KPNA1: variants seen among roughly 807,000 people sequenced by gnomAD.
KPNA1 encodes the protein importin subunit alpha-5.
Under a neutral mutation model 70.5 loss-of-function variants are expected in KPNA1, and 10 were observed. The observed-to-expected ratio is 0.14, with a 90% confidence interval of 0.09 to 0.24. The LOEUF is 0.24. Among genes scored for constraint, KPNA1 ranks in the 10% least tolerant of loss-of-function variants. The pLI is 1.00. For synonymous variants in KPNA1, 192 were observed against 221.9 expected, an observed-to-expected ratio of 0.87 and a Z score of 1.20; for missense variants, 397 against 637.9, an observed-to-expected ratio of 0.62 and a Z score of 4.07.
At chr3:122,451,377 C>A (rs1471196301) in intron 8 of KPNA1, among the ~76,000 whole-genome samples, 157 bp downstream of exon 8, 1 of 152,106 alleles carries the variant, frequency 6.6e-6, no homozygotes, top group Non-Finnish European at 1.5e-5. Flanking sequence ...ATAAAGAGAA[C>A]CAACAAAAAC....
Position 122,426,302 on chromosome 3 carries a change from G to A in KPNA1, c.*683C>T, listed in dbSNP as rs2075822064. ...AATCTACAAACCAGTATCACATTTA[G>A]GAGTCAAAGTGTTAATTCTTCAGCA... On this transcript the variant is annotated 3_prime_UTR_variant, in exon 14 of 14. Transcript: ENST00000344337. 1 of 152,572 alleles carries A rather than the reference G, an allele frequency of 6.6e-6. No individual in the cohort carries two copies. Among genetic ancestry groups the A allele is most frequent in the Admixed American group, 6.5e-5 (1 of 15,276 alleles). 9.5% of individuals were successfully genotyped at this position (152,572 alleles called of 1,614,324 possible).
At chr3:122,475,674 T>C (rs1364714485) in intron 2 of KPNA1, among the ~76,000 whole-genome samples, 1 of 152,140 alleles carries the variant, frequency 6.6e-6, no homozygotes, top group East Asian at 1.9e-4. Flanking sequence ...ATATAACTTT[T>C]AACTCCCCCA....
At chr3:122,487,647 G>A (rs78213659) in intron 2 of KPNA1, among the ~76,000 whole-genome samples, 2,952 of 152,282 alleles carry the variant, frequency 0.019, 82 homozygotes, top group East Asian at 0.12. Flanking sequence ...AGTGAAATAA[G>A]TCAGTTACAA....
chr3:122,470,769 C>A (rs1235130177), intron 2 of KPNA1, among the ~76,000 whole-genome samples: 1 of 149,932 alleles, frequency 6.7e-6, no homozygotes, highest in Non-Finnish European at 1.5e-5. Flanking sequence ...TAAGAAAGAA[C>A]AGAAAATGGA....
At chr3:122,471,168 A>G (rs757850408) in intron 2 of KPNA1, among the ~76,000 whole-genome samples, 4 of 152,210 alleles carry the variant, frequency 2.6e-5, no homozygotes, top group Non-Finnish European at 5.9e-5. Flanking sequence ...CTGGGCCTGC[A>G]TACAATGCAG....
intron 1 of KPNA1, among the ~76,000 whole-genome samples, chr3:122,506,585 T>C (rs1481249912): frequency 6.6e-6 from 1 of 152,224 alleles, no homozygotes; most frequent in East Asian, 1.9e-4. Flanking sequence ...AAGCAAAGTT[T>C]GAAAAACCCT....
chr3:122,440,947 C>A (rs2076054515), intron 10 of KPNA1, among the ~76,000 whole-genome samples: 1 of 152,134 alleles, frequency 6.6e-6, no homozygotes, highest in South Asian at 2.1e-4. Flanking sequence ...TTAGAAGACA[C>A]CTGAGAGAAC....
In KPNA1 at chr3:122,426,715, T is replaced by C. The variant is rs2075827888; in HGVS notation, c.*270A>G. On this transcript the variant is annotated 3_prime_UTR_variant, in exon 14 of 14. Transcript: ENST00000344337. ...TATGTGTATATTCCCATAACTCTAA[T>C]GTAAGTGCGGATCTCCAAAGCCTAG... The C allele has an allele frequency of 5.8e-6, 2 of 345,532 alleles. No individual in the cohort carries two copies. Among genetic ancestry groups the C allele is most frequent in the South Asian group, 1.7e-4 (2 of 11,912 alleles). The allele number at this position is 345,532 out of a possible 1,614,324, so 21.4% of individuals were successfully genotyped here. A position where few individuals can be genotyped will look rare whatever the true frequency, so the allele number is the denominator to read the frequency against.
chr3:122,427,716 C>T lies in KPNA1; in HGVS notation c.1251G>A (p.Lys417=), dbSNP rs201121795. Residue 417 remains lysine (K), a splice_region_variant and synonymous_variant, in exon 13 of 14, where the codon AAG becomes AAA. Coordinates refer to ENST00000344337, the MANE Select transcript of KPNA1 (RefSeq NM_002264.4). Reference sequence around the variant, plus strand: ...TGATACAACCCAGTTCTACTAGGTACCTAAATACAAAGAATAATGTAGTCA... The same window carrying T: ...TGATACAACCCAGTTCTACTAGGTATCTAAATACAAAGAATAATGTAGTCA... ...ATSGGSAEQI[K]YLVELGCIKP... is the part of the protein sequence containing the mutation. 1.9e-6 allele frequency: 3 copies of T among 1,557,200 alleles called. No homozygotes were observed. The highest frequency in any genetic ancestry group is 1.7e-6 in the Non-Finnish European group (2 of 1,149,044).
chr3:122,482,725 TAAC>T (rs1385688644), intron 2 of KPNA1, among the ~76,000 whole-genome samples: 1 of 152,050 alleles, frequency 6.6e-6, no homozygotes, highest in Non-Finnish European at 1.5e-5. Context: ...ATCTAAAAAA[TAAC>T]AATTACAACA....
chr3:122,514,219 C>G (rs1472716169), intron 1 of KPNA1, among the ~76,000 whole-genome samples: 1 of 152,160 alleles, frequency 6.6e-6, no homozygotes, highest in South Asian at 2.1e-4. Flanking sequence ...CTCCACCCCC[C>G]GCTTCCCCCA....
chr3:122,465,377 C>T (rs2076369391), intron 3 of KPNA1, among the ~76,000 whole-genome samples: 1 of 152,206 alleles, frequency 6.6e-6, no homozygotes, highest in African/African-American at 2.4e-5. Flanking sequence ...CATTAGCCTA[C>T]AGCTGAACAA....
chr3:122,472,581 A>G (rs1200640799), intron 2 of KPNA1, among the ~76,000 whole-genome samples: 1 of 152,206 alleles, frequency 6.6e-6, no homozygotes, highest in Non-Finnish European at 1.5e-5. Flanking sequence ...TAAAAACAAG[A>G]GCAGATATCA....
chr3:122,490,233 TCA>T (rs1160059270), intron 2 of KPNA1, among the ~76,000 whole-genome samples: 13 of 152,262 alleles, frequency 8.5e-5, no homozygotes, highest in Admixed American at 7.9e-4. Context: ...TGCCTGGTCT[TCA>T]CAGACTCTGA....
chr3:122,454,133 C>CCTG, intron 5 of KPNA1, 132 bp from the exon 6 acceptor site: 1 of 537,998 alleles, frequency 1.9e-6, no homozygotes, highest in South Asian at 3.3e-5. Flanking sequence ...CAGTTGAGTA[C>CCTG]TATATTAATT....
At chr3:122,509,922 G>GACACAT (rs2076937096) in intron 1 of KPNA1, among the ~76,000 whole-genome samples, 3 of 152,118 alleles carry the variant, frequency 2.0e-5, no homozygotes, top group Non-Finnish European at 4.4e-5. Flanking sequence ...CCCATACCTA[G>GACACAT]ACACATCATC....
chr3:122,513,270 A>G (rs1013813609), intron 1 of KPNA1, among the ~76,000 whole-genome samples: 1 of 152,234 alleles, frequency 6.6e-6, no homozygotes, highest in East Asian at 1.9e-4. Flanking sequence ...TGTTTTTAAT[A>G]TATGTAAAGC....
At chr3:122,475,443 T>C (rs2076486548) in intron 2 of KPNA1, among the ~76,000 whole-genome samples, 1 of 152,208 alleles carries the variant, frequency 6.6e-6, no homozygotes, top group African/African-American at 2.4e-5. Context: ...TATCTACAGA[T>C]TCAATGTAAC....
intron 2 of KPNA1, 110 bp downstream of exon 2, chr3:122,496,319 AACACACAC>A (rs9289194): frequency 4.5e-5 from 20 of 440,382 alleles, no homozygotes; most frequent in South Asian, 4.0e-4. Context: ...AGAAGGGGAA[AACACACAC>A]ACACACACAC....
Sources: gnomAD v4.1 joint callset for allele counts (sites outside exome capture counted in the v4.1 genomes callset) on GRCh38, gnomAD v4.1.1 for gene constraint, MANE v1.5 for transcripts, NCBI Gene and HGNC (gene_info 2026-07-23, HGNC 2026-07-21) for gene names.